TIRAP: variants seen among roughly 807,000 people sequenced by gnomAD.
TIRAP encodes the protein TIR domain containing adaptor protein, also known as toll/interleukin-1 receptor domain-containing adapter protein.
Under a neutral mutation model 19.8 loss-of-function variants are expected in TIRAP, and 20 were observed. The ratio of observed to expected loss-of-function variants is 1.01; its 90% CI spans 0.71 to 1.47. The LOEUF (loss-of-function observed/expected upper bound fraction) is 1.47, where lower values mean the gene tolerates loss of function less well. TIRAP is among the 40% of genes most tolerant of loss of function. TIRAP has a pLI of 0.00. For synonymous variants in TIRAP, 125 were observed against 121.7 expected, an observed-to-expected ratio of 1.03 and a Z score of -0.18; for missense variants, 276 against 285.1, an observed-to-expected ratio of 0.97 and a Z score of 0.23.
At position 126,287,206 on chromosome 11, in the gene TIRAP, A is replaced by T. The variant is rs559269340; in HGVS notation, c.-216-3256A>T. ...GATTCCTGCTTAACAGAAATCGAAT[A>T]TGAACTCTAAGAGATACATATTCTA... On this transcript the variant is annotated intron_variant, in intron 1 of 4. Coordinates refer to ENST00000392679, the MANE Select transcript of TIRAP (RefSeq NM_001318777.2). The surrounding 1 kb of genome is among the most constrained non-coding windows in gnomAD (Gnocchi z 4.2). Among the ~76,000 whole-genome samples, 3 of 152,346 alleles carry T rather than the reference A, an allele frequency of 2.0e-5. No individual in the cohort carries two copies. Among genetic ancestry groups the T allele is most frequent in the African/African-American group, 7.2e-5 (3 of 41,578 alleles).
chr11:126,292,107 C>A (rs1951396626), intron 3 of TIRAP, among the ~76,000 whole-genome samples: 1 of 151,842 alleles, frequency 6.6e-6, no homozygotes, highest in Non-Finnish European at 1.5e-5. Context: ...AGTTCAAGAC[C>A]AGCCTGACCA....
Position 126,290,762 on chromosome 11 carries a change from T to A in TIRAP, c.-92-41T>A, listed in dbSNP as rs1951371349. 2 of 1,462,066 alleles carry A rather than the reference T, an allele frequency of 1.4e-6. No homozygotes were observed. Among genetic ancestry groups the A allele is most frequent in the Non-Finnish European group, 1.8e-6 (2 of 1,110,940 alleles). 90.6% of individuals were successfully genotyped at this position (1,462,066 alleles called of 1,614,324 possible). A position where few individuals can be genotyped will look rare whatever the true frequency, so the allele number is the denominator to read the frequency against. Reference sequence around the variant, plus strand: ...TCATCCATGGGGAATGAGAGCAGGGTAAGTGCAGCCTTTGTGATTCTCTCT... The same window carrying A: ...TCATCCATGGGGAATGAGAGCAGGGAAAGTGCAGCCTTTGTGATTCTCTCT... On this transcript the variant is annotated intron_variant, in intron 2 of 4. Transcript: ENST00000392679. The surrounding 1 kb of genome is among the most constrained non-coding windows in gnomAD (Gnocchi z 4.9).
rs1294222680 is a variant in TIRAP, at chr11:126,288,106, C to T, written c.-216-2356C>T. Among the ~76,000 whole-genome samples the T allele has an allele frequency of 6.6e-6, 1 of 151,624 alleles. No homozygotes were observed. The highest frequency in any genetic ancestry group is 2.0e-4 in the East Asian group (1 of 5,124). ...GTTTTGACAGGCTGGTCTGGAACTC[C>T]TGAGCTCACATGATCTGCCCACCTC... On this transcript the variant is annotated intron_variant, in intron 1 of 4. Transcript: ENST00000392679. The surrounding 1 kb of genome is among the most constrained non-coding windows in gnomAD (Gnocchi z 5.0).
chr11:126,291,408 G>T lies in TIRAP; in HGVS notation c.67+447G>T. On this transcript the variant is annotated intron_variant, in intron 3 of 4. Coordinates refer to ENST00000392679, the MANE Select transcript of TIRAP (RefSeq NM_001318777.2). This position sits in a 1 kb window ranked among gnomAD's most constrained non-coding sequence, Gnocchi z 5.6. ...CATACTCCAAACACAGACCTGAGCA[G>T]TGTTTCTCCCCCACAGACTGGTTCA... is the stretch of plus-strand genomic sequence containing the variant. 7.6e-7 allele frequency: 1 copy of T among 1,321,294 alleles called. No individual in the cohort carries two copies. The highest frequency in any genetic ancestry group is 1.0e-6 in the Non-Finnish European group (1 of 1,000,448). 81.8% of individuals were successfully genotyped at this position (1,321,294 alleles called of 1,614,324 possible). A position where few individuals can be genotyped will look rare whatever the true frequency, so the allele number is the denominator to read the frequency against.
At chr11:126,293,414 A>G (rs1951433357) in intron 4 of TIRAP, 1 of 706,180 alleles carries the variant, frequency 1.4e-6, no homozygotes, top group East Asian at 2.7e-5. Context: ...CAGTAATAGC[A>G]TTAGGTTTCT....
rs1024302589 is a variant in TIRAP at position 126,291,028 on chromosome 11, G to A, written c.67+67G>A. ...GTAGTGCTCAGCCTCCATAGGGCGCGGTGGGAGGCCTGCCTGGTCCAAACT... is the reference window on the plus strand; with the variant it reads ...GTAGTGCTCAGCCTCCATAGGGCGCAGTGGGAGGCCTGCCTGGTCCAAACT... On this transcript the variant is annotated intron_variant, in intron 3 of 4. Coordinates refer to ENST00000392679, the MANE Select transcript of TIRAP (RefSeq NM_001318777.2). This position sits in a 1 kb window ranked among gnomAD's most constrained non-coding sequence, Gnocchi z 5.6. 43 of 1,520,670 alleles carry A rather than the reference G, an allele frequency of 2.8e-5. No individual in the cohort carries two copies. In the Admixed American group the frequency reaches 2.9e-4, roughly 10 times the overall value. 94.2% of individuals were successfully genotyped at this position (1,520,670 alleles called of 1,614,324 possible).
intron 1 of TIRAP, among the ~76,000 whole-genome samples, chr11:126,286,576 C>G (rs965225542): frequency 3.9e-5 from 6 of 152,192 alleles, no homozygotes; most frequent in Non-Finnish European, 8.8e-5. Context: ...GAGAACAAAA[C>G]AGCCTTTGAA....
At chr11:126,285,393 C>T (rs1233101086) in intron 1 of TIRAP, among the ~76,000 whole-genome samples, 1 of 151,754 alleles carries the variant, frequency 6.6e-6, no homozygotes, top group Non-Finnish European at 1.5e-5. Flanking sequence ...TCCCGAGTAG[C>T]TGGGATTACA....
At position 126,290,338 on chromosome 11, in the gene TIRAP, C is replaced by A; in HGVS notation, c.-216-124C>A. 1 of 727,526 alleles carries A rather than the reference C, an allele frequency of 1.4e-6. No individual in the cohort carries two copies. The highest frequency in any genetic ancestry group is 1.7e-6 in the Non-Finnish European group (1 of 594,676). The allele number at this position is 727,526 out of a possible 1,614,324, so 45.1% of individuals were successfully genotyped here. ...ATGGATGGAGTTATTCAGGGGGAGG[C>A]AGACTTGGAGGAAAAGTCTCCCAAG... On this transcript the variant is annotated intron_variant, in intron 1 of 4. Transcript: ENST00000392679. The surrounding 1 kb of genome is among the most constrained non-coding windows in gnomAD (Gnocchi z 4.9).
chr11:126,293,091 T>G lies in TIRAP; in HGVS notation c.646+36T>G, dbSNP rs373668992. The G allele has an allele frequency of 7.3e-5, 118 of 1,613,548 alleles. No homozygotes were observed. Among genetic ancestry groups the G allele is most frequent in the Non-Finnish European group, 6.4e-5 (76 of 1,179,950 alleles). ...ACAGGAGGGAGAAGGGGAACGGGAT[T>G]CAGCTACAGTATCTGATCTACTTTG... On this transcript the variant is annotated intron_variant, in intron 4 of 4. Coordinates refer to ENST00000392679, the MANE Select transcript of TIRAP (RefSeq NM_001318777.2).
In TIRAP at chr11:126,287,657, C is replaced by T. The variant is rs2135285952; in HGVS notation, c.-216-2805C>T. ...ATACAGCAAAACTCCATAATGTTTC[C>T]TTTACATCAGTTTCTGCACATAATA... On this transcript the variant is annotated intron_variant, in intron 1 of 4. Transcript: ENST00000392679. The surrounding 1 kb of genome is among the most constrained non-coding windows in gnomAD (Gnocchi z 4.2). Among the ~76,000 whole-genome samples the T allele has an allele frequency of 6.6e-6, 1 of 152,176 alleles. No homozygotes were observed. The highest frequency in any genetic ancestry group is 2.1e-4 in the South Asian group (1 of 4,818).
intron 1 of TIRAP, chr11:126,289,937 C>A (rs1420695762): frequency 1.7e-5 from 11 of 640,858 alleles, no homozygotes; most frequent in Non-Finnish European, 2.1e-5. Flanking sequence ...CAAAAATCTT[C>A]TAGACTTTGG....
chr11:126,294,704 C>G lies in TIRAP; in HGVS notation c.*1017C>G, dbSNP rs556047977. On this transcript the variant is annotated 3_prime_UTR_variant, in exon 5 of 5. Coordinates refer to ENST00000392679, the MANE Select transcript of TIRAP (RefSeq NM_001318777.2). ...CTCCAATGTGTACTTTTGTGCCCCCCTCTCACTTCTCCCTATCATGACCCC... is the reference window on the plus strand; with the variant it reads ...CTCCAATGTGTACTTTTGTGCCCCCGTCTCACTTCTCCCTATCATGACCCC... 2 of 344,536 alleles carry G rather than the reference C, an allele frequency of 5.8e-6. No homozygotes were observed. Among genetic ancestry groups the G allele is most frequent in the Non-Finnish European group, 1.2e-5 (2 of 171,398 alleles). The allele number at this position is 344,536 out of a possible 1,614,324, so 21.3% of individuals were successfully genotyped here. A position where few individuals can be genotyped will look rare whatever the true frequency, so the allele number is the denominator to read the frequency against.
chr11:126,284,033 CTTTTTTTTTTTT>C (rs749115228), intron 1 of TIRAP, among the ~76,000 whole-genome samples: 2 of 113,202 alleles, frequency 1.8e-5, no homozygotes, highest in African/African-American at 3.3e-5. Context: ...TCATGTACTT[CTTTTTTTTTTTT>C]TTTTTTTTGA....
Position 126,288,977 on chromosome 11 carries a change from C to T in TIRAP, c.-216-1485C>T, listed in dbSNP as rs1441268493. ...AAAAAGGCATCCTGAACGGCCCTAG[C>T]TGCAGCCTACCACTTAGGCTGTCTG... On this transcript the variant is annotated intron_variant, in intron 1 of 4. Coordinates refer to ENST00000392679, the MANE Select transcript of TIRAP (RefSeq NM_001318777.2). This position sits in a 1 kb window ranked among gnomAD's most constrained non-coding sequence, Gnocchi z 5.0. Among the ~76,000 whole-genome samples, 3 of 152,192 alleles carry T rather than the reference C, an allele frequency of 2.0e-5. No individual in the cohort carries two copies. Among genetic ancestry groups the T allele is most frequent in the Non-Finnish European group, 2.9e-5 (2 of 68,036 alleles).
In TIRAP at chr11:126,293,572, G is replaced by A; in HGVS notation, c.647-96G>A. 3.6e-6 allele frequency: 5 copies of A among 1,393,806 alleles called. No individual in the cohort carries two copies. The Admixed American group carries it at 5.1e-5, about 14-fold the overall frequency. 86.3% of individuals were successfully genotyped at this position (1,393,806 alleles called of 1,614,324 possible). A position where few individuals can be genotyped will look rare whatever the true frequency, so the allele number is the denominator to read the frequency against. ...CCATGCTATTGCAGTAGGTTTGGAA[G>A]TGTAATAGATAAAAAGATAGAAGAG... On this transcript the variant is annotated intron_variant, in intron 4 of 4. Transcript: ENST00000392679.
intron 1 of TIRAP, among the ~76,000 whole-genome samples, chr11:126,283,617 C>T (rs1463472212): frequency 1.3e-5 from 2 of 152,212 alleles, no homozygotes; most frequent in Non-Finnish European, 2.9e-5. Flanking sequence ...CAGTCATGGG[C>T]AGCTACACAC....
At position 126,291,484 on chromosome 11, in the gene TIRAP, C is replaced by T. The variant is rs746808811; in HGVS notation, c.67+523C>T. 1 of 1,153,186 alleles carries T rather than the reference C, an allele frequency of 8.7e-7. No homozygotes were observed. The highest frequency in any genetic ancestry group is 1.2e-6 in the Non-Finnish European group (1 of 856,766). The allele number at this position is 1,153,186 out of a possible 1,614,324, so 71.4% of individuals were successfully genotyped here. ...GAAGAGGCCCGGCTCCCTGACATAC[C>T]TGACACTGCATTATCTCAGTTAACT... On this transcript the variant is annotated intron_variant, in intron 3 of 4. Coordinates refer to ENST00000392679, the MANE Select transcript of TIRAP (RefSeq NM_001318777.2). This position sits in a 1 kb window ranked among gnomAD's most constrained non-coding sequence, Gnocchi z 5.6.
At chr11:126,289,610 G>C in intron 1 of TIRAP, 1 of 969,070 alleles carries the variant, frequency 1.0e-6, no homozygotes, top group South Asian at 4.8e-5. Context: ...TTTTATTTTA[G>C]TGTGTCTAAT....
Sources: allele counts gnomAD v4.1 joint callset (sites outside exome capture counted in the v4.1 genomes callset), GRCh38; gene constraint gnomAD v4.1.1; non-coding constraint Gnocchi (gnomAD v3.1); transcripts MANE v1.5; gene names NCBI Gene and HGNC (gene_info 2026-07-23, HGNC 2026-07-21).